PIK3R3: variants seen among roughly 807,000 people sequenced by gnomAD.
PIK3R3 encodes phosphatidylinositol 3-kinase regulatory subunit gamma.
A neutral mutation model predicts 62.9 loss-of-function variants in PIK3R3; 64 were observed. That is an observed-to-expected ratio of 1.02 (90% CI 0.83 to 1.25). The LOEUF is 1.25. Among genes scored for constraint, PIK3R3 ranks in the 50% most tolerant of loss-of-function variants. PIK3R3 has a pLI of 0.00. For synonymous variants in PIK3R3, 165 were observed against 189.0 expected (o/e 0.87, Z 1.04); for missense variants, 614 against 561.6 (o/e 1.09, Z -0.94).
the PIK3R3 span, among the ~76,000 whole-genome samples, chr1:46,150,803 CT>C: frequency 0.17 from 18,852 of 112,844 alleles, 1,096 homozygotes; most frequent in Non-Finnish European, 0.19. Context: ...GGTAAACACT[CT>C]TTTTTTTTTT....
rs1261376158 is a variant in PIK3R3 at position 46,043,009 on chromosome 1, CTG to C, written c.*662_*663del. ...CATCAAACATTGGTCTGGCAACAAA[CTG>C]TTTTGTTGGCTTCTGAACATAATAC... On this transcript the variant is annotated 3_prime_UTR_variant, in exon 10 of 10. Transcript: ENST00000262741. The C allele has an allele frequency of 9.0e-6, 2 of 222,304 alleles. No individual in the cohort carries two copies. The highest frequency in any genetic ancestry group is 4.5e-5 in the African/African-American group (2 of 44,788). The allele number at this position is 222,304 out of a possible 1,614,324, so 13.8% of individuals were successfully genotyped here.
At chr1:46,066,339 C>T (rs532402683) in intron 4 of PIK3R3, among the ~76,000 whole-genome samples, 160 bp from the exon 5 acceptor site, 1 of 152,092 alleles carries the variant, frequency 6.6e-6, no homozygotes, top group Non-Finnish European at 1.5e-5. Context: ...ATCAAGCACA[C>T]AAATGTACCA....
chr1:46,138,419 G>A, the PIK3R3 span, among the ~76,000 whole-genome samples: 1 of 152,154 alleles, frequency 6.6e-6, no homozygotes, highest in Non-Finnish European at 1.5e-5. Context: ...TAACACTTTG[G>A]GAGGCTGAGG....
At chr1:46,112,996 T>C (rs982529181) in intron 1 of PIK3R3, among the ~76,000 whole-genome samples, 3 of 152,220 alleles carry the variant, frequency 2.0e-5, no homozygotes, top group Admixed American at 6.5e-5. Flanking sequence ...CCACCAATCC[T>C]ACTTTTTAAA....
At chr1:46,142,834 CT>C in the PIK3R3 span, among the ~76,000 whole-genome samples, 1 of 152,070 alleles carries the variant, frequency 6.6e-6, no homozygotes, top group African/African-American at 2.4e-5. Context: ...GGAATGTGTA[CT>C]TTATGCTCAA....
At chr1:46,114,645 T>C (rs955695742) in intron 1 of PIK3R3, among the ~76,000 whole-genome samples, 1 of 152,020 alleles carries the variant, frequency 6.6e-6, no homozygotes, top group Non-Finnish European at 1.5e-5. Context: ...TTCTCTGTCA[T>C]CTAGGCTGGA....
intron 3 of PIK3R3, among the ~76,000 whole-genome samples, chr1:46,075,045 CA>C (rs1649940876): frequency 2.0e-5 from 3 of 152,204 alleles, no homozygotes. Context: ...CCTTTTCTTT[CA>C]TCACTTCGTC....
chr1:46,092,967 C>G (rs887865450), intron 1 of PIK3R3, among the ~76,000 whole-genome samples: 1 of 152,162 alleles, frequency 6.6e-6, no homozygotes. Context: ...AAAGTTACAT[C>G]ATCTTCAATT....
At position 46,043,433 on chromosome 1, in the gene PIK3R3, CA is replaced by C. The variant is rs895327356; in HGVS notation, c.*239del. The C allele has an allele frequency of 8.0e-5, 41 of 513,612 alleles. No homozygotes were observed. Among genetic ancestry groups the C allele is most frequent in the Non-Finnish European group, 9.2e-5 (26 of 283,010 alleles). 31.8% of individuals were successfully genotyped at this position (513,612 alleles called of 1,614,324 possible). A position where few individuals can be genotyped will look rare whatever the true frequency, so the allele number is the denominator to read the frequency against. The stretch of plus-strand genomic sequence containing the variant: ...CAAAAACCCCAATGAAACAGACTTT[CA>C]AAAAAAACATCTGCTTCCAGCTTAG... On this transcript the variant is annotated 3_prime_UTR_variant, in exon 10 of 10. Coordinates refer to ENST00000262741, the MANE Select transcript of PIK3R3 (RefSeq NM_003629.4).
At position 46,114,326 on chromosome 1, in the gene PIK3R3, A is replaced by T. The variant is rs907313716; in HGVS notation, c.106+17521T>A. Reference sequence around the variant, plus strand: ...AGGGAAGAGGGAAGAGAAAGTAGATATGCAAAAAAACCAGCAGTCCTCTCT... The same window carrying T: ...AGGGAAGAGGGAAGAGAAAGTAGATTTGCAAAAAAACCAGCAGTCCTCTCT... On this transcript the variant is annotated intron_variant, in intron 1 of 9. Coordinates refer to ENST00000262741, the MANE Select transcript of PIK3R3 (RefSeq NM_003629.4). Among the ~76,000 whole-genome samples, 43 of 152,216 alleles carry T rather than the reference A, an allele frequency of 2.8e-4. 2 individuals are homozygous for T. The highest frequency in any genetic ancestry group is 1.5e-3 in the Admixed American group (23 of 15,278).
intron 8 of PIK3R3, 74 bp from the exon 9 acceptor site, chr1:46,046,162 C>T: frequency 1.1e-6 from 1 of 882,880 alleles, no homozygotes. Flanking sequence ...ATAAAACACT[C>T]TTCTAAATCT....
Position 46,042,803 on chromosome 1 carries a change from A to G in PIK3R3, c.*870T>C. On this transcript the variant is annotated 3_prime_UTR_variant, in exon 10 of 10. Coordinates refer to ENST00000262741, the MANE Select transcript of PIK3R3 (RefSeq NM_003629.4). This position sits in a 1 kb window ranked among gnomAD's most constrained non-coding sequence, Gnocchi z 4.3. The stretch of plus-strand genomic sequence containing the variant: ...AAGCACCAACTTCATTTTATGATTC[A>G]AAGCTCACCATCCCCACAAAAAGAA... 1 of 195,792 alleles carries G rather than the reference A, an allele frequency of 5.1e-6. No homozygotes were observed. Among genetic ancestry groups the G allele is most frequent in the Non-Finnish European group, 1.1e-5 (1 of 93,776 alleles). 12.1% of individuals were successfully genotyped at this position (195,792 alleles called of 1,614,324 possible). A position where few individuals can be genotyped will look rare whatever the true frequency, so the allele number is the denominator to read the frequency against.
At chr1:46,132,682 C>A, upstream of PIK3R3, 9 of 1,289,746 alleles carry the variant, frequency 7.0e-6, no homozygotes, top group Non-Finnish European at 9.1e-6. Context: ...ACACCCTCCC[C>A]GCCCCATGCT....
rs552393862 is a variant in PIK3R3, at chr1:46,055,909, C to T, written c.827G>A (p.Arg276His). The change falls in exon 7 of 10, where the codon CGT becomes CAT. Residue 276 changes from arginine to histidine, a missense_variant. Transcript: ENST00000262741. Reference protein sequence around the residue: ...RLGEIHDSKMRLEQDLKNQAL... With the variant: ...RLGEIHDSKMHLEQDLKNQAL... ...TTGATTCTTCAAATCCTGCTCTAGA[C>T]GCATTTTGCTATCATGAATCTCACC... The T allele has an allele frequency of 1.8e-5, 29 of 1,608,108 alleles. No individual in the cohort carries two copies. Among genetic ancestry groups the T allele is most frequent in the African/African-American group, 4.0e-5 (3 of 74,588 alleles).
chr1:46,139,463 G>T, the PIK3R3 span, among the ~76,000 whole-genome samples: 2 of 152,044 alleles, frequency 1.3e-5, no homozygotes, highest in Admixed American at 6.6e-5. Context: ...CCACCACCAT[G>T]CCTGGCTAAT....
chr1:46,051,364 A>C (rs1290142304), intron 7 of PIK3R3, among the ~76,000 whole-genome samples: 1 of 151,980 alleles, frequency 6.6e-6, no homozygotes. Context: ...GGGTTCAAGC[A>C]ATTCTCCTGC....
chr1:46,116,138 A>G (rs1259869764), intron 1 of PIK3R3, among the ~76,000 whole-genome samples: 2 of 152,168 alleles, frequency 1.3e-5, no homozygotes, highest in East Asian at 3.8e-4. Context: ...TTTTCAATTT[A>G]ATTTGAATAT....
chr1:46,093,865 A>C (rs1437428509), intron 1 of PIK3R3, among the ~76,000 whole-genome samples: 1 of 151,668 alleles, frequency 6.6e-6, no homozygotes, highest in African/African-American at 2.4e-5. Flanking sequence ...AAAAAAAAAA[A>C]AAAAAACATC....
In PIK3R3 at chr1:46,132,116, C is replaced by T; in HGVS notation, c.-164G>A. The T allele has an allele frequency of 3.5e-6, 5 of 1,410,460 alleles. No individual in the cohort carries two copies. Among genetic ancestry groups the T allele is most frequent in the Non-Finnish European group, 4.6e-6 (5 of 1,086,538 alleles). The allele number at this position is 1,410,460 out of a possible 1,614,324, so 87.4% of individuals were successfully genotyped here. On this transcript the variant is annotated 5_prime_UTR_variant, in exon 1 of 10. Transcript: ENST00000262741. ...CCGGCCAAACTACCCGAACAGGGTC[C>T]TCCCCCTCTCTCCTACAGAACACAA...
Sources: gnomAD v4.1 joint callset for allele counts (sites outside exome capture counted in the v4.1 genomes callset) on GRCh38, gnomAD v4.1.1 for gene constraint, Gnocchi (gnomAD v3.1) non-coding constraint, MANE v1.5 for transcripts, NCBI Gene and HGNC (gene_info 2026-07-23, HGNC 2026-07-21) for gene names.